The following TSHZ2 variants were observed in gnomAD, a reference collection of about 807,000 sequenced individuals.
TSHZ2 encodes the protein teashirt homolog 2.
TSHZ2 carries 21 observed loss-of-function variants against 74.4 expected under a neutral mutation model. The observed-to-expected ratio is 0.28, with a 90% CI of 0.20 to 0.41. TSHZ2 has a LOEUF of 0.41. TSHZ2 is among the 10% of genes least tolerant of loss of function. TSHZ2 has a pLI of 1.00. For missense variants in TSHZ2, 1,244 were observed against 1,293.5 expected, an observed-to-expected ratio of 0.96 and a Z score of 0.59; for synonymous variants, 540 against 515.3, an observed-to-expected ratio of 1.05 and a Z score of -0.65.
intron 2 of TSHZ2, among the ~76,000 whole-genome samples, chr20:53,389,871 G>A (rs1177065388): frequency 6.6e-6 from 1 of 152,180 alleles, no homozygotes; most frequent in Non-Finnish European, 1.5e-5. Flanking sequence ...GAATTGTCCG[G>A]CCTGAAATGT....
In TSHZ2 at chr20:53,422,262, A is replaced by C. The variant is rs997412340; in HGVS notation, c.*9-64882A>C. On this transcript the variant is annotated intron_variant, in intron 2 of 2. Transcript: ENST00000371497. ...GCATGCTGACCCTTCCCTTGAATTC[A>C]GTGACCCAAACTTTCCAGTGGACAG... is the stretch of plus-strand genomic sequence containing the variant. 9.8e-4 allele frequency among the ~76,000 whole-genome samples: 149 copies of C among 152,276 alleles called. 1 individual carries two copies. Among genetic ancestry groups the C allele is most frequent in the African/African-American group, 3.5e-3 (146 of 41,546 alleles).
intron 2 of TSHZ2, among the ~76,000 whole-genome samples, chr20:53,451,094 A>ATGT (rs1425953043): frequency 6.6e-6 from 1 of 152,204 alleles, no homozygotes; most frequent in Non-Finnish European, 1.5e-5. Flanking sequence ...CATATTGTTG[A>ATGT]TGTTGCTCAT....
chr20:53,035,638 A>C (rs1983790496), intron 1 of TSHZ2, among the ~76,000 whole-genome samples: 1 of 152,234 alleles, frequency 6.6e-6, no homozygotes, highest in Admixed American at 6.5e-5. Flanking sequence ...AGAATTTGCC[A>C]TATATGTCGC....
chr20:53,417,757 C>A (rs1431594184), intron 2 of TSHZ2, among the ~76,000 whole-genome samples: 1 of 152,030 alleles, frequency 6.6e-6, no homozygotes, highest in African/African-American at 2.4e-5. Context: ...ATCCTATCTT[C>A]AACAAAAACT....
At chr20:53,000,652 G>A (rs1982375428) in intron 1 of TSHZ2, among the ~76,000 whole-genome samples, 1 of 152,084 alleles carries the variant, frequency 6.6e-6, no homozygotes, top group Non-Finnish European at 1.5e-5. Flanking sequence ...CACTGTTATA[G>A]GATCAGAAAG....
chr20:53,128,571 G>A lies in TSHZ2; in HGVS notation c.41-124928G>A, dbSNP rs17416935. 2.6e-5 allele frequency among the ~76,000 whole-genome samples: 4 copies of A among 152,010 alleles called. No individual in the cohort carries two copies. The South Asian group carries it at 6.2e-4, about 24-fold the overall frequency. On this transcript the variant is annotated intron_variant, in intron 1 of 2. Coordinates refer to ENST00000371497, the MANE Select transcript of TSHZ2 (RefSeq NM_173485.6). ...TTGTTACTGTTACTATGATTATTTG[G>A]GGTATCAATTCGCTATATTATTTCT...
chr20:53,333,360 A>G (rs1280740575), intron 2 of TSHZ2, among the ~76,000 whole-genome samples: 1 of 152,204 alleles, frequency 6.6e-6, no homozygotes, highest in Non-Finnish European at 1.5e-5. Context: ...AGAACAATCT[A>G]TTAAGCAGAT....
intron 2 of TSHZ2, among the ~76,000 whole-genome samples, chr20:53,462,338 A>G (rs1985404779): frequency 6.6e-6 from 1 of 152,194 alleles, no homozygotes; most frequent in South Asian, 2.1e-4. Context: ...CCTCATGTTT[A>G]CTTAATTACT....
chr20:53,228,311 TA>T (rs1381387922), intron 1 of TSHZ2, among the ~76,000 whole-genome samples: 2 of 152,204 alleles, frequency 1.3e-5, no homozygotes, highest in African/African-American at 4.8e-5. Flanking sequence ...TTTTTCCAGC[TA>T]AAGTTGTTTG....
At chr20:53,161,334 G>A (rs1230742276) in intron 1 of TSHZ2, among the ~76,000 whole-genome samples, 1 of 152,062 alleles carries the variant, frequency 6.6e-6, no homozygotes, top group Non-Finnish European at 1.5e-5. Flanking sequence ...TGGGAGGAGG[G>A]TGAACATGAC....
intron 2 of TSHZ2, among the ~76,000 whole-genome samples, chr20:53,423,153 C>T (rs893642263): frequency 2.0e-5 from 3 of 152,270 alleles, no homozygotes; most frequent in African/African-American, 2.4e-5. Flanking sequence ...AATCCCAGCA[C>T]TTTGGGAGGC....
chr20:53,078,909 T>C lies in TSHZ2; in HGVS notation c.40+105576T>C, dbSNP rs183806027. On this transcript the variant is annotated intron_variant, in intron 1 of 2. Coordinates refer to ENST00000371497, the MANE Select transcript of TSHZ2 (RefSeq NM_173485.6). ...TAGGGAGAAGACCATTGGGTACTTA[T>C]CTGGATTTCAACATAATACCCAATT... Among the ~76,000 whole-genome samples the C allele has an allele frequency of 1.4e-4, 21 of 152,310 alleles. No individual in the cohort carries two copies. The East Asian group carries it at 3.5e-3, about 25-fold the overall frequency.
At chr20:53,062,254 A>C (rs79892218) in intron 1 of TSHZ2, among the ~76,000 whole-genome samples, 7,706 of 152,312 alleles carry the variant, frequency 0.051, 355 homozygotes, top group East Asian at 0.21. Context: ...AAAATAAGAC[A>C]ATCACCAGGA....
At chr20:53,282,901 A>G (rs1471381608) in intron 2 of TSHZ2, among the ~76,000 whole-genome samples, 4 of 152,180 alleles carry the variant, frequency 2.6e-5, no homozygotes, top group Non-Finnish European at 5.9e-5. Context: ...ATCAGAACAG[A>G]CACATGCAGT....
intron 1 of TSHZ2, among the ~76,000 whole-genome samples, chr20:53,100,275 C>A (rs1361587311): frequency 1.3e-5 from 2 of 152,178 alleles, no homozygotes; most frequent in African/African-American, 4.8e-5. Flanking sequence ...CCCTTCATTT[C>A]TAACAAGGGA....
intron 2 of TSHZ2, among the ~76,000 whole-genome samples, chr20:53,369,444 C>T (rs565364053): frequency 2.2e-4 from 33 of 151,948 alleles, no homozygotes; most frequent in African/African-American, 6.3e-4. Context: ...CTGTGGCTCC[C>T]GCCTGTAATC....
chr20:53,327,996 A>G (rs1979565960), intron 2 of TSHZ2, among the ~76,000 whole-genome samples: 1 of 152,228 alleles, frequency 6.6e-6, no homozygotes, highest in African/African-American at 2.4e-5. Flanking sequence ...GCAAGTGGGA[A>G]GAGGCCAACC....
intron 2 of TSHZ2, among the ~76,000 whole-genome samples, chr20:53,258,797 A>G (rs1269264584): frequency 2.0e-5 from 3 of 152,220 alleles, no homozygotes; most frequent in African/African-American, 7.2e-5. Context: ...TGTTTTCATT[A>G]TACAAAACCA....
At chr20:53,048,903 T>A (rs1325606049) in intron 1 of TSHZ2, among the ~76,000 whole-genome samples, 2 of 152,174 alleles carry the variant, frequency 1.3e-5, no homozygotes, top group African/African-American at 4.8e-5. Context: ...TGCACATTTT[T>A]AAAATAAAAA....
Sources: gnomAD v4.1 joint callset for allele counts (sites outside exome capture counted in the v4.1 genomes callset) on GRCh38, gnomAD v4.1.1 for gene constraint, MANE v1.5 for transcripts, NCBI Gene and HGNC (gene_info 2026-07-23, HGNC 2026-07-21) for gene names.